The following STAU2 variants were observed in gnomAD, a reference collection of about 807,000 sequenced individuals.
The protein encoded by STAU2 is staufen double-stranded RNA binding protein 2, also known as double-stranded RNA-binding protein Staufen homolog 2.
A neutral mutation model predicts 65.9 loss-of-function variants in STAU2; 20 were observed. That is an observed-to-expected ratio of 0.30 (90% CI 0.21 to 0.44). STAU2 has a LOEUF of 0.44. Among genes scored for constraint, STAU2 ranks in the 20% least tolerant of loss-of-function variants. The pLI is 1.00. For synonymous variants in STAU2, 232 were observed against 233.9 expected, an observed-to-expected ratio of 0.99 and a Z score of 0.07; for missense variants, 558 against 683.9, an observed-to-expected ratio of 0.82 and a Z score of 2.05.
At chr8:73,519,497 A>G (rs1340810663) in intron 13 of STAU2, among the ~76,000 whole-genome samples, 1 of 152,192 alleles carries the variant, frequency 6.6e-6, no homozygotes, top group East Asian at 1.9e-4. Context: ...AACAATGAAA[A>G]GTTATAAACA....
At chr8:73,455,588 G>C (rs1819019689) in intron 13 of STAU2, among the ~76,000 whole-genome samples, 1 of 152,068 alleles carries the variant, frequency 6.6e-6, no homozygotes, top group Admixed American at 6.5e-5. Flanking sequence ...TCCAGAGACA[G>C]GCCCAGGGGT....
At chr8:73,484,405 T>C (rs907046562) in intron 13 of STAU2, among the ~76,000 whole-genome samples, 5 of 152,104 alleles carry the variant, frequency 3.3e-5, no homozygotes, top group African/African-American at 9.7e-5. Flanking sequence ...CATAATGGAA[T>C]AGAGGTCAGC....
chr8:73,504,722 A>C (rs915024830), intron 13 of STAU2, among the ~76,000 whole-genome samples: 1 of 152,086 alleles, frequency 6.6e-6, no homozygotes, highest in Non-Finnish European at 1.5e-5. Context: ...TGAAAAAAAA[A>C]ACAAAACTTG....
chr8:73,547,348 A>AT (rs11431659), intron 13 of STAU2, among the ~76,000 whole-genome samples: 106,185 of 150,368 alleles, frequency 0.71, 39,404 homozygotes, highest in Non-Finnish European at 0.83. Context: ...CAAACATAGT[A>AT]TTTTTTTTTT....
At chr8:73,620,781 G>A (rs2129920582) in intron 6 of STAU2, among the ~76,000 whole-genome samples, 1 of 152,214 alleles carries the variant, frequency 6.6e-6, no homozygotes, top group Admixed American at 6.5e-5. Flanking sequence ...ATTTCATTCT[G>A]TTTCACTTCA....
At position 73,435,287 on chromosome 8, in the gene STAU2, C is replaced by T. The variant is rs561542375; in HGVS notation, c.1531-12585G>A. Among the ~76,000 whole-genome samples the T allele has an allele frequency of 3.9e-5, 6 of 152,028 alleles. No homozygotes were observed. The South Asian group carries it at 1.0e-3, about 26-fold the overall frequency. On this transcript the variant is annotated intron_variant, in intron 13 of 14. Transcript: ENST00000524300. ...CTTTGATATGTTTGCGTCTTGTCTC[C>T]CAGGTAGCTGGTAAACCCTTGGCTG...
intron 1 of STAU2, among the ~76,000 whole-genome samples, chr8:73,741,395 G>A (rs1435085880): frequency 1.3e-5 from 2 of 151,894 alleles, no homozygotes; most frequent in African/African-American, 4.8e-5. Context: ...AGTTACAAAT[G>A]CTTATCTACA....
intron 13 of STAU2, among the ~76,000 whole-genome samples, chr8:73,495,833 T>A (rs926484034): frequency 6.6e-5 from 10 of 151,548 alleles, no homozygotes; most frequent in African/African-American, 2.4e-4. Context: ...AGTTGTAGAA[T>A]TCCATTTTGG....
At chr8:73,607,079 T>C (rs1047220711) in intron 9 of STAU2, among the ~76,000 whole-genome samples, 1 of 152,232 alleles carries the variant, frequency 6.6e-6, no homozygotes, top group Non-Finnish European at 1.5e-5. Flanking sequence ...GTTATAGTTT[T>C]ACACATGCAA....
intron 9 of STAU2, among the ~76,000 whole-genome samples, chr8:73,610,312 A>G (rs1461857778): frequency 6.6e-6 from 1 of 151,656 alleles, no homozygotes; most frequent in Non-Finnish European, 1.5e-5. Context: ...AAAGGCAGGC[A>G]GATCACTTTA....
At chr8:73,619,488 G>C (rs2129907978) in intron 6 of STAU2, among the ~76,000 whole-genome samples, 1 of 152,332 alleles carries the variant, frequency 6.6e-6, no homozygotes, top group South Asian at 2.1e-4. Flanking sequence ...CATCCAAGTA[G>C]TGACGCTCTA....
intron 3 of STAU2, among the ~76,000 whole-genome samples, chr8:73,709,809 T>C (rs1300150148): frequency 6.6e-6 from 1 of 152,072 alleles, no homozygotes; most frequent in African/African-American, 2.4e-5. Context: ...ATAAGTGGTA[T>C]TCCATTCCTG....
intron 6 of STAU2, among the ~76,000 whole-genome samples, chr8:73,649,170 T>C (rs917487988): frequency 6.6e-6 from 1 of 152,192 alleles, no homozygotes; most frequent in Non-Finnish European, 1.5e-5. Flanking sequence ...AATGGTGTAA[T>C]AGTTCAGAGA....
intron 12 of STAU2, among the ~76,000 whole-genome samples, chr8:73,568,138 T>C (rs1027496635): frequency 6.6e-6 from 1 of 152,236 alleles, no homozygotes; most frequent in African/African-American, 2.4e-5. Context: ...ATTGATGCTT[T>C]GACTACTCTC....
intron 13 of STAU2, among the ~76,000 whole-genome samples, chr8:73,539,178 A>G (rs994378592): frequency 1.3e-5 from 2 of 152,236 alleles, no homozygotes; most frequent in African/African-American, 4.8e-5. Flanking sequence ...AACAGAATCC[A>G]AAGTCTCTAT....
intron 11 of STAU2, among the ~76,000 whole-genome samples, chr8:73,589,919 G>A (rs958354458): frequency 2.0e-5 from 3 of 151,926 alleles, no homozygotes; most frequent in Admixed American, 6.6e-5. Flanking sequence ...AGAGAAGCAG[G>A]AGGAGGAAGA....
chr8:73,569,865 G>C (rs929473899), intron 12 of STAU2, among the ~76,000 whole-genome samples: 2 of 152,212 alleles, frequency 1.3e-5, no homozygotes, highest in African/African-American at 4.8e-5. Context: ...GGAGAAACCA[G>C]AGCAGGAAAG....
At chr8:73,747,174 C>CG (rs936522111), upstream of STAU2, 97 of 529,132 alleles carry the variant, frequency 1.8e-4, 1 homozygote, top group Admixed American at 3.9e-3. Context: ...GGGCCATTCC[C>CG]GGGGGGCTTG....
At chr8:73,662,734 A>G (rs1312675514) in intron 6 of STAU2, among the ~76,000 whole-genome samples, 2 of 152,110 alleles carry the variant, frequency 1.3e-5, no homozygotes, top group Non-Finnish European at 2.9e-5. Context: ...CTCCTGCCTC[A>G]GCCTCCTGAG....
Sources: gnomAD v4.1 joint callset for allele counts (sites outside exome capture counted in the v4.1 genomes callset) on GRCh38, gnomAD v4.1.1 for gene constraint, MANE v1.5 for transcripts, NCBI Gene and HGNC (gene_info 2026-07-23, HGNC 2026-07-21) for gene names.